Variants in RMST observed in about 807,000 individuals in gnomAD.
The protein encoded by RMST is rhabdomyosarcoma 2 associated transcript.
At chr12:97,539,132 GT>G (rs1283181350) in intron 11 of RMST, among the ~76,000 whole-genome samples, 2 of 151,470 alleles carry the variant, frequency 1.3e-5, no homozygotes, top group African/African-American at 4.8e-5. Context: ...GTGCATTACA[GT>G]TATGATTAAT....
At chr12:97,550,316 T>A (rs575733494) in intron 11 of RMST, among the ~76,000 whole-genome samples, 2 of 152,040 alleles carry the variant, frequency 1.3e-5, no homozygotes, top group Non-Finnish European at 2.9e-5. Flanking sequence ...CACTTGAACC[T>A]GGGAGGCGGA....
chr12:97,524,751 T>C (rs1880919204), intron 10 of RMST, among the ~76,000 whole-genome samples: 1 of 152,186 alleles, frequency 6.6e-6, no homozygotes, highest in Non-Finnish European at 1.5e-5. Context: ...CTGAACTTTT[T>C]AAAAGTAAGA....
intron 5 of RMST, among the ~76,000 whole-genome samples, chr12:97,483,680 A>G (rs1875732581): frequency 6.6e-6 from 1 of 152,164 alleles, no homozygotes; most frequent in South Asian, 2.1e-4. Flanking sequence ...TTGTAAAAAT[A>G]ATAGCTATAT....
chr12:97,517,518 A>G (rs1880057083), intron 10 of RMST, among the ~76,000 whole-genome samples: 1 of 151,932 alleles, frequency 6.6e-6, no homozygotes, highest in African/African-American at 2.4e-5. Flanking sequence ...ATATACACAT[A>G]GAAACACTGC....
At chr12:97,511,989 G>A (rs1410821382) in intron 10 of RMST, among the ~76,000 whole-genome samples, 5 of 152,186 alleles carry the variant, frequency 3.3e-5, no homozygotes, top group Non-Finnish European at 5.9e-5. Context: ...GAATGAAGCC[G>A]CGGACCCTCG....
At chr12:97,490,093 G>A (rs1158930589) in intron 5 of RMST, among the ~76,000 whole-genome samples, 1 of 152,138 alleles carries the variant, frequency 6.6e-6, no homozygotes, top group Middle Eastern at 3.2e-3. Context: ...TAAAATGTAA[G>A]TTTTGAAAGG....
chr12:97,507,792 G>A (rs1191677334), intron 10 of RMST, among the ~76,000 whole-genome samples: 1 of 152,184 alleles, frequency 6.6e-6, no homozygotes, highest in Non-Finnish European at 1.5e-5. Context: ...TGAGGCTGTA[G>A]AACCTCTTTT....
intron 10 of RMST, among the ~76,000 whole-genome samples, chr12:97,503,693 C>T (rs1286039641): frequency 6.6e-6 from 1 of 152,140 alleles, no homozygotes; most frequent in Non-Finnish European, 1.5e-5. Flanking sequence ...AATGCCAATG[C>T]TACAGTAAAT....
chr12:97,559,971 C>G (rs1194309294), intron 11 of RMST, among the ~76,000 whole-genome samples: 1 of 152,056 alleles, frequency 6.6e-6, no homozygotes, highest in Non-Finnish European at 1.5e-5. Flanking sequence ...TCCTTTTTAT[C>G]TTAACTTTTG....
intron 10 of RMST, among the ~76,000 whole-genome samples, chr12:97,526,717 ATTG>A (rs1427786943): frequency 1.3e-5 from 2 of 152,154 alleles, no homozygotes; most frequent in African/African-American, 4.8e-5. Context: ...TACTATTATT[ATTG>A]TTGTTGTTAT....
chr12:97,550,773 T>C (rs969345046), intron 11 of RMST, among the ~76,000 whole-genome samples: 4 of 152,154 alleles, frequency 2.6e-5, no homozygotes, highest in African/African-American at 4.8e-5. Flanking sequence ...TTCATAATTG[T>C]CTTTGGAGCC....
At chr12:97,529,364 G>T (rs1881421844) in intron 10 of RMST, among the ~76,000 whole-genome samples, 1 of 152,060 alleles carries the variant, frequency 6.6e-6, no homozygotes, top group African/African-American at 2.4e-5. Context: ...TATGTGTCAT[G>T]AATTATTAAT....
intron 5 of RMST, among the ~76,000 whole-genome samples, chr12:97,476,678 C>A (rs557411482): frequency 3.9e-5 from 6 of 152,240 alleles, no homozygotes; most frequent in African/African-American, 1.4e-4. Context: ...TTGCATAATA[C>A]TTTCTATTTT....
At chr12:97,482,704 TAAATTTATATTATTTATTTATTA>T (rs1244953427) in intron 5 of RMST, among the ~76,000 whole-genome samples, 1 of 67,254 alleles carries the variant, frequency 1.5e-5, no homozygotes, top group African/African-American at 1.1e-4. Context: ...ATTTAATAAA[TAAATTTATATTATTTATTTATTA>T]AATAAATTTA....
intron 5 of RMST, among the ~76,000 whole-genome samples, chr12:97,488,737 A>T (rs1184821865): frequency 6.6e-6 from 1 of 152,182 alleles, no homozygotes; most frequent in East Asian, 1.9e-4. Context: ...GAACTGAAGC[A>T]AAAAGGTTTC....
chr12:97,533,210 T>C (rs1012086532), intron 11 of RMST: 3 of 151,766 alleles, frequency 2.0e-5, no homozygotes, highest in African/African-American at 4.8e-5. Flanking sequence ...ATGAAGCCAA[T>C]CTCTGTACAC....
intron 11 of RMST, among the ~76,000 whole-genome samples, chr12:97,544,709 T>C (rs1391564529): frequency 6.6e-6 from 1 of 152,050 alleles, no homozygotes; most frequent in African/African-American, 2.4e-5. Flanking sequence ...TGCAATCTAC[T>C]CCAATCAGTC....
intron 5 of RMST, among the ~76,000 whole-genome samples, chr12:97,482,697 T>TAACA (rs1875504279): frequency 4.6e-5 from 3 of 65,062 alleles, no homozygotes; most frequent in African/African-American, 1.3e-4. Flanking sequence ...ATTATTTATT[T>TAACA]AATAAATAAA....
intron 11 of RMST, among the ~76,000 whole-genome samples, chr12:97,547,856 T>C (rs532835672): frequency 2.0e-5 from 3 of 152,286 alleles, no homozygotes; most frequent in African/African-American, 7.2e-5. Context: ...CTCTTCATTT[T>C]GTTGATTATT....
Sources: allele counts gnomAD v4.1 joint callset (sites outside exome capture counted in the v4.1 genomes callset), GRCh38; gene constraint gnomAD v4.1.1; transcripts MANE v1.5; gene names NCBI Gene and HGNC (gene_info 2026-07-23, HGNC 2026-07-21).